The following NBEA variants were observed in gnomAD, a reference collection of about 807,000 sequenced individuals.
The protein encoded by NBEA is neurobeachin, also known as lysosomal-trafficking regulator 2.
In NBEA, 44 loss-of-function variants were observed where a neutral mutation model predicts 343.4. The ratio of observed to expected loss-of-function variants is 0.13; its 90% CI spans 0.10 to 0.16. NBEA has a LOEUF of 0.16. NBEA is among the 10% of genes least tolerant of loss of function. The pLI is 1.00. For missense variants in NBEA, 2,555 were observed against 3,631.3 expected (o/e 0.70, Z 7.62); for synonymous variants, 1,175 against 1,238.7 (o/e 0.95, Z 1.08).
intron 48 of NBEA, among the ~76,000 whole-genome samples, chr13:35,618,475 G>A (rs1270899575): frequency 1.3e-5 from 2 of 152,136 alleles, no homozygotes; most frequent in Non-Finnish European, 2.9e-5. Context: ...ACAATAACAT[G>A]TATGTAATTG....
At chr13:35,070,239 T>A in intron 9 of NBEA, 134 bp downstream of exon 9, 1 of 844,164 alleles carries the variant, frequency 1.2e-6, no homozygotes, top group Non-Finnish European at 1.7e-6. Flanking sequence ...ATCTTTTAAG[T>A]GAAACTTTAA....
chr13:35,517,889 G>A (rs1009209048), intron 41 of NBEA, among the ~76,000 whole-genome samples: 15 of 152,096 alleles, frequency 9.9e-5, no homozygotes, highest in Non-Finnish European at 2.2e-4. Flanking sequence ...AATATTTGTT[G>A]AATTGAGTTA....
At chr13:35,243,941 A>G (rs1171284137) in intron 34 of NBEA, among the ~76,000 whole-genome samples, 1 of 151,938 alleles carries the variant, frequency 6.6e-6, no homozygotes, top group Admixed American at 6.6e-5. Flanking sequence ...ACATCAGAAT[A>G]TACATTTTTC....
intron 18 of NBEA, among the ~76,000 whole-genome samples, chr13:35,152,685 G>A (rs2068869626): frequency 6.6e-6 from 1 of 152,202 alleles, no homozygotes; most frequent in Non-Finnish European, 1.5e-5. Context: ...AGCATGTAAA[G>A]TTACCTCCAT....
At chr13:35,207,840 A>G (rs954414357) in intron 31 of NBEA, among the ~76,000 whole-genome samples, 7 of 152,132 alleles carry the variant, frequency 4.6e-5, no homozygotes, top group Admixed American at 2.6e-4. Context: ...GTTCAGAAAA[A>G]TAAAGCATAA....
In NBEA at chr13:35,349,093, T is replaced by C. The variant is rs770677000; in HGVS notation, c.5904-15T>C. 2.1e-6 allele frequency: 3 copies of C among 1,424,010 alleles called. No individual in the cohort carries two copies. The highest frequency in any genetic ancestry group is 2.9e-6 in the Non-Finnish European group (3 of 1,044,612). The allele number at this position is 1,424,010 out of a possible 1,614,324, so 88.2% of individuals were successfully genotyped here. ...CTATTAAGAATAATATTTCTAAAGG[T>C]ATTTTTCTTTTTAGATTACTGTGCC... On this transcript the variant is annotated splice_polypyrimidine_tract_variant and intron_variant, in intron 36 of 58. Coordinates refer to ENST00000379939, the MANE Select transcript of NBEA (RefSeq NM_001385012.1).
chr13:35,178,118 A>T (rs538894296), intron 28 of NBEA, among the ~76,000 whole-genome samples: 8 of 151,796 alleles, frequency 5.3e-5, no homozygotes, highest in South Asian at 2.1e-4. Flanking sequence ...GGAGTGAGAG[A>T]TTTTTCACTA....
In NBEA at chr13:35,330,387, G is replaced by A. The variant is rs148906563; in HGVS notation, c.5904-18721G>A. On this transcript the variant is annotated intron_variant, in intron 36 of 58. Coordinates refer to ENST00000379939, the MANE Select transcript of NBEA (RefSeq NM_001385012.1). ...TGGATTTTGAAGGCTCTGGACAATCGTGAGGAAAATTGAGGACCTTTCACA... is the reference window on the plus strand; with the variant it reads ...TGGATTTTGAAGGCTCTGGACAATCATGAGGAAAATTGAGGACCTTTCACA... Among the ~76,000 whole-genome samples the A allele has an allele frequency of 2.0e-3, 304 of 152,102 alleles. 1 individual carries two copies. The highest frequency in any genetic ancestry group is 6.7e-3 in the African/African-American group (280 of 41,528).
At chr13:35,115,949 G>A (rs1470718992) in intron 13 of NBEA, among the ~76,000 whole-genome samples, 2 of 152,134 alleles carry the variant, frequency 1.3e-5, no homozygotes, top group Non-Finnish European at 2.9e-5. Flanking sequence ...TTAATTGGTA[G>A]CAGAAATAGA....
chr13:35,088,590 T>A (rs575017884), intron 10 of NBEA, among the ~76,000 whole-genome samples: 2 of 152,016 alleles, frequency 1.3e-5, no homozygotes, highest in East Asian at 3.9e-4. Flanking sequence ...GAGTACTTGA[T>A]ATGAAAGATA....
intron 45 of NBEA, among the ~76,000 whole-genome samples, chr13:35,582,550 G>A (rs1248150006): frequency 6.6e-6 from 1 of 151,850 alleles, no homozygotes; most frequent in African/African-American, 2.4e-5. Flanking sequence ...TTTTTATACT[G>A]TCATACTTTG....
rs1486952081 is a variant in NBEA, at chr13:35,208,887, C to A, written c.5521+33C>A. 8.5e-6 allele frequency: 12 copies of A among 1,404,700 alleles called. No individual in the cohort carries two copies. The Admixed American group carries it at 2.2e-4, about 25-fold the overall frequency. 87.0% of individuals were successfully genotyped at this position (1,404,700 alleles called of 1,614,324 possible). On this transcript the variant is annotated intron_variant, in intron 32 of 58. Coordinates refer to ENST00000379939, the MANE Select transcript of NBEA (RefSeq NM_001385012.1). ...ACTTACATATTTTTGTGATACTCAT[C>A]TTTTTATGTTTTCTGTATCATTTTT...
intron 38 of NBEA, among the ~76,000 whole-genome samples, chr13:35,413,138 A>G (rs2043691752): frequency 6.6e-6 from 1 of 152,132 alleles, no homozygotes; most frequent in Non-Finnish European, 1.5e-5. Context: ...CTCACATTTT[A>G]TTAGCTGGAG....
At chr13:35,300,381 A>C (rs2036463217) in intron 35 of NBEA, among the ~76,000 whole-genome samples, 1 of 152,206 alleles carries the variant, frequency 6.6e-6, no homozygotes, top group Admixed American at 6.5e-5. Context: ...GCATCAGTAT[A>C]AAAGAATATA....
At chr13:35,661,100 C>G (rs1201310857) in intron 55 of NBEA, among the ~76,000 whole-genome samples, 1 of 152,108 alleles carries the variant, frequency 6.6e-6, no homozygotes, top group Non-Finnish European at 1.5e-5. Context: ...CTTTTCCTTT[C>G]CTTTTATGGG....
At chr13:35,221,354 C>CTA (rs2074360362) in intron 33 of NBEA, among the ~76,000 whole-genome samples, 1 of 148,412 alleles carries the variant, frequency 6.7e-6, no homozygotes, top group Non-Finnish European at 1.5e-5. Flanking sequence ...AAAAAAAAAA[C>CTA]AAAAAACTAA....
At chr13:35,519,042 T>C (rs2077595325) in intron 41 of NBEA, among the ~76,000 whole-genome samples, 2 of 152,232 alleles carry the variant, frequency 1.3e-5, no homozygotes, top group South Asian at 2.1e-4. Flanking sequence ...CATCAACAGA[T>C]TGACTAATAC....
At chr13:35,379,710 C>T (rs201598820) in intron 38 of NBEA, among the ~76,000 whole-genome samples, 4 of 145,302 alleles carry the variant, frequency 2.8e-5, no homozygotes, top group Admixed American at 1.4e-4. Context: ...GTCAGGATTA[C>T]TTTTTTTTTT....
intron 38 of NBEA, among the ~76,000 whole-genome samples, chr13:35,410,632 A>G (rs1386938442): frequency 6.6e-6 from 1 of 152,186 alleles, no homozygotes; most frequent in East Asian, 1.9e-4. Flanking sequence ...ACACTTTTGT[A>G]AGTGATACCA....
Sources: allele counts gnomAD v4.1 joint callset (sites outside exome capture counted in the v4.1 genomes callset), GRCh38; gene constraint gnomAD v4.1.1; transcripts MANE v1.5; gene names NCBI Gene and HGNC (gene_info 2026-07-23, HGNC 2026-07-21).